The following CRPPA variants were observed in gnomAD, a reference collection of about 807,000 sequenced individuals.
CRPPA encodes D-ribitol-5-phosphate cytidylyltransferase.
Under a neutral mutation model 52.0 loss-of-function variants are expected in CRPPA, and 43 were observed. The observed-to-expected ratio is 0.83, with a 90% confidence interval of 0.65 to 1.07. The LOEUF (loss-of-function observed/expected upper bound fraction) is 1.07. CRPPA is among the 50% of genes least tolerant of loss of function. CRPPA has a pLI of 0.00. For missense variants in CRPPA, 629 were observed against 551.7 expected, an observed-to-expected ratio of 1.14 and a Z score of -1.40; for synonymous variants, 250 against 203.5, an observed-to-expected ratio of 1.23 and a Z score of -1.94.
intron 2 of CRPPA, among the ~76,000 whole-genome samples, chr7:16,385,415 A>G (rs1462144088): frequency 2.0e-5 from 3 of 152,218 alleles, no homozygotes; most frequent in African/African-American, 7.2e-5. Flanking sequence ...CTCAAGAAAA[A>G]TGATTAGCAA....
chr7:16,203,771 C>T (rs1283534162), intron 9 of CRPPA, among the ~76,000 whole-genome samples: 1 of 152,124 alleles, frequency 6.6e-6, no homozygotes, highest in African/African-American at 2.4e-5. Context: ...AACTGATAAA[C>T]CAATTAGCTC....
At chr7:16,259,743 A>C (rs1338626170) in intron 6 of CRPPA, among the ~76,000 whole-genome samples, 1 of 152,000 alleles carries the variant, frequency 6.6e-6, no homozygotes, top group Admixed American at 6.6e-5. Flanking sequence ...TCCACAGGAA[A>C]TCACATTTCA....
chr7:16,390,057 G>A (rs114685716), intron 2 of CRPPA, among the ~76,000 whole-genome samples: 2,263 of 149,584 alleles, frequency 0.015, 52 homozygotes, highest in African/African-American at 0.048. Flanking sequence ...AGTAAATTTA[G>A]TGAAGAAGTT....
At chr7:16,358,170 G>A (rs948868880) in intron 3 of CRPPA, among the ~76,000 whole-genome samples, 7 of 151,246 alleles carry the variant, frequency 4.6e-5, no homozygotes, top group African/African-American at 1.5e-4. Flanking sequence ...ACCTGCTAGA[G>A]AGTAAACACC....
At position 16,203,323 on chromosome 7, in the gene CRPPA, G is replaced by A. The variant is rs148057515; in HGVS notation, c.1251+12743C>T. ...CCTTATTCTCGTTCATGAAGTTTGG[G>A]TGGAGCTGACCTGGATCCAGGTGTG... On this transcript the variant is annotated intron_variant, in intron 9 of 9. Transcript: ENST00000407010. Among the ~76,000 whole-genome samples, 276 of 152,238 alleles carry A rather than the reference G, an allele frequency of 1.8e-3. 2 individuals carry two copies. The highest frequency in any genetic ancestry group is 6.4e-3 in the African/African-American group (266 of 41,540).
chr7:16,276,637 C>T (rs1461515620), intron 6 of CRPPA: 1 of 152,204 alleles, frequency 6.6e-6, no homozygotes. Context: ...TGAGCCCTCA[C>T]TAGAGCATCT....
chr7:16,204,293 A>G (rs1229443792), intron 9 of CRPPA, among the ~76,000 whole-genome samples: 2 of 152,192 alleles, frequency 1.3e-5, no homozygotes, highest in South Asian at 2.1e-4. Context: ...TATCCAAACA[A>G]TATAAACCAA....
At chr7:16,304,323 G>GA (rs773722876) in intron 4 of CRPPA, among the ~76,000 whole-genome samples, 114 of 148,600 alleles carry the variant, frequency 7.7e-4, no homozygotes, top group South Asian at 2.1e-3. Flanking sequence ...TGTGTTGAAA[G>GA]AAAAAAAAAA....
At position 16,421,066 on chromosome 7, in the gene CRPPA, C is replaced by T; in HGVS notation, c.257G>A (p.Arg86Lys). The change falls in exon 1 of 10, where the codon AGA becomes AAA. Residue 86 changes from arginine to lysine, a missense_variant and splice_region_variant. Physicochemically the swap from Arg to Lys is conservative, Grantham distance 26. Transcript: ENST00000407010. ...CGGGGCGCGCCCGGCGCCGCATTAC[C>T]TCTCCAGGGCCTGTAGGGTGTAGCT... Reference protein sequence around the residue: ...LISYTLQALERVCWIKDIVVA... With the variant: ...LISYTLQALEKVCWIKDIVVA... 7.9e-7 allele frequency: 1 copy of T among 1,267,266 alleles called. No individual in the cohort carries two copies. The highest frequency in any genetic ancestry group is 3.1e-5 in the East Asian group (1 of 31,792). The allele number at this position is 1,267,266 out of a possible 1,614,324, so 78.5% of individuals were successfully genotyped here. A position where few individuals can be genotyped will look rare whatever the true frequency, so the allele number is the denominator to read the frequency against.
intron 3 of CRPPA, among the ~76,000 whole-genome samples, chr7:16,357,676 G>C (rs189984357): frequency 6.6e-6 from 1 of 152,138 alleles, no homozygotes; most frequent in African/African-American, 2.4e-5. Context: ...TCAGCATTCA[G>C]TCAAGAGTCA....
At chr7:16,337,959 C>G (rs939857017) in intron 3 of CRPPA, among the ~76,000 whole-genome samples, 8 of 152,104 alleles carry the variant, frequency 5.3e-5, no homozygotes, top group Non-Finnish European at 1.0e-4. Context: ...TCACTCCGCC[C>G]ACCCCAAACA....
chr7:16,218,448 C>T (rs1329358362), intron 8 of CRPPA, among the ~76,000 whole-genome samples: 1 of 105,904 alleles, frequency 9.4e-6, no homozygotes, highest in Admixed American at 1.2e-4. Flanking sequence ...ACAATATTAA[C>T]TTTAAATGTA....
intron 8 of CRPPA, among the ~76,000 whole-genome samples, chr7:16,255,285 TA>T (rs1367692665): frequency 1.3e-5 from 2 of 151,928 alleles, no homozygotes; most frequent in East Asian, 3.9e-4. Flanking sequence ...CTCAAGGAAA[TA>T]AAAGAGGACA....
rs1781842353 is a variant in CRPPA at position 16,091,735 on chromosome 7, T to C, written c.1316A>G (p.Glu439Gly). 6.4e-7 allele frequency: 1 copy of C among 1,563,798 alleles called. No individual in the cohort carries two copies. The highest frequency in any genetic ancestry group is 2.3e-5 in the East Asian group (1 of 43,130). The stretch of plus-strand genomic sequence containing the variant: ...CTGACCAATGAGTCCAGAATTTCTT[T>C]CCTTGATTAATGAAGCAATAATGAT... ...GAIIIASLIK[E>G]RNSGLIGQLL... is the part of the protein sequence containing the mutation. Residue 439 changes from glutamate (E) to glycine (G), a missense_variant, in exon 10 of 10, where the codon GAA (glutamate) becomes GGA (glycine). Transcript: ENST00000407010.
intron 9 of CRPPA, among the ~76,000 whole-genome samples, chr7:16,096,465 T>G: frequency 6.6e-6 from 1 of 152,230 alleles, no homozygotes; most frequent in East Asian, 1.9e-4. Context: ...AAAGAGAATT[T>G]TACAATTATA....
At chr7:16,248,782 AG>A in intron 8 of CRPPA, among the ~76,000 whole-genome samples, 1 of 152,228 alleles carries the variant, frequency 6.6e-6, no homozygotes, top group South Asian at 2.1e-4. Context: ...GGGAAGTGCA[AG>A]GGGTCAGGGG....
chr7:16,276,325 C>A (rs1033181639), intron 6 of CRPPA, among the ~76,000 whole-genome samples: 2 of 152,082 alleles, frequency 1.3e-5, no homozygotes, highest in African/African-American at 4.8e-5. Context: ...ATGTACCTAG[C>A]AATATCAGCC....
At chr7:16,268,518 T>A (rs115298402) in intron 6 of CRPPA, among the ~76,000 whole-genome samples, 1,931 of 152,302 alleles carry the variant, frequency 0.013, 42 homozygotes, top group African/African-American at 0.044. Flanking sequence ...TTCCCTCTCA[T>A]ACAACTTTCC....
intron 3 of CRPPA, among the ~76,000 whole-genome samples, chr7:16,330,362 G>A (rs116044886): frequency 0.023 from 3,529 of 152,190 alleles, 123 homozygotes; most frequent in African/African-American, 0.08. Flanking sequence ...TGGAAGTCTC[G>A]CAGCTTCGTC....
Sources: gnomAD v4.1 joint callset for allele counts (sites outside exome capture counted in the v4.1 genomes callset) on GRCh38, gnomAD v4.1.1 for gene constraint, MANE v1.5 for transcripts, NCBI Gene and HGNC (gene_info 2026-07-23, HGNC 2026-07-21) for gene names.